ESCO2: variants seen among roughly 807,000 people sequenced by gnomAD.
ESCO2 encodes N-acetyltransferase ESCO2.
Under a neutral mutation model 61.7 loss-of-function variants are expected in ESCO2, and 51 were observed. That is an observed-to-expected ratio of 0.83 (90% CI 0.66 to 1.04). ESCO2 has a LOEUF of 1.04. Among genes scored for constraint, ESCO2 ranks in the 50% least tolerant of loss-of-function variants. The pLI, the probability that ESCO2 is intolerant of heterozygous loss-of-function variation, is 0.00. For missense variants in ESCO2, 692 were observed against 686.2 expected (o/e 1.01, Z -0.09); for synonymous variants, 230 against 238.2 (o/e 0.97, Z 0.32).
At chr8:27,780,721 A>T (rs1804907195) in intron 4 of ESCO2, among the ~76,000 whole-genome samples, 1 of 152,218 alleles carries the variant, frequency 6.6e-6, no homozygotes, top group Non-Finnish European at 1.5e-5. Context: ...TTTACTAATA[A>T]TTAGCTGTAT....
Position 27,780,265 on chromosome 8 carries a change from CAAGT to C in ESCO2, c.955+2_955+5del, listed in dbSNP as rs80359858. ...GAGGATTCTCTTGGTGAGAATAAGACAAGTAAGAGAAAACTCGCATGAATTTAGC... is the reference window on the plus strand; with the variant it reads ...GAGGATTCTCTTGGTGAGAATAAGACAAGAGAAAACTCGCATGAATTTAGC... On this transcript the variant is annotated splice_donor_variant and coding_sequence_variant, in exon 4 of 11. Coordinates refer to ENST00000305188, the MANE Select transcript of ESCO2 (RefSeq NM_001017420.3). LOFTEE classifies it high-confidence loss of function. 1.9e-5 allele frequency: 30 copies of C among 1,583,960 alleles called. No homozygotes were observed. Among genetic ancestry groups the C allele is most frequent in the South Asian group, 1.3e-4 (12 of 90,296 alleles).
At chr8:27,799,790 A>AT in intron 10 of ESCO2, 74 bp downstream of exon 10, 1 of 1,535,380 alleles carries the variant, frequency 6.5e-7, no homozygotes. Flanking sequence ...CTTCTGAGCT[A>AT]AAGGGAAGGA....
intron 3 of ESCO2, chr8:27,779,529 T>C (rs1052975426): frequency 1.3e-5 from 2 of 152,386 alleles, no homozygotes; most frequent in Non-Finnish European, 2.9e-5. Flanking sequence ...CTTTCCAGTT[T>C]GGTGGCTGCT....
At chr8:27,814,786 T>C (rs1805779079), downstream of ESCO2, among the ~76,000 whole-genome samples, 1 of 152,186 alleles carries the variant, frequency 6.6e-6, no homozygotes, top group South Asian at 2.1e-4. Flanking sequence ...TTACTGAATT[T>C]CCAAATACTT....
chr8:27,810,645 T>C (rs1805659289), downstream of ESCO2: 1 of 610,834 alleles, frequency 1.6e-6, no homozygotes, highest in East Asian at 2.8e-5. Flanking sequence ...ATGTCTTCAA[T>C]TGTCCTGCCA....
intron 2 of ESCO2, 89 bp from the exon 3 acceptor site, chr8:27,776,273 T>C: frequency 9.3e-7 from 1 of 1,076,654 alleles, no homozygotes; most frequent in Non-Finnish European, 1.4e-6. Flanking sequence ...GTTTTTAATA[T>C]GACCTACAAG....
upstream of ESCO2, chr8:27,772,570 G>C: frequency 1.9e-6 from 3 of 1,547,852 alleles, no homozygotes; most frequent in Non-Finnish European, 2.6e-6. Flanking sequence ...TGACTCCACC[G>C]CGGAGCAGCA....
At chr8:27,780,081 C>G in intron 3 of ESCO2, 93 bp from the exon 4 acceptor site, 1 of 784,384 alleles carries the variant, frequency 1.3e-6, no homozygotes, top group Non-Finnish European at 2.2e-6. Context: ...TAAACCAAAT[C>G]TTTTGTTTTA....
At chr8:27,793,244 C>T (rs953112904) in intron 9 of ESCO2, among the ~76,000 whole-genome samples, 1 of 152,064 alleles carries the variant, frequency 6.6e-6, no homozygotes, top group African/African-American at 2.4e-5. Context: ...AGAAAAGCAG[C>T]TTTTTTGTAT....
Position 27,787,902 on chromosome 8 carries a change from A to G in ESCO2, c.1031A>G (p.Gln344Arg), listed in dbSNP as rs143346057. Residue 344 changes from glutamine to arginine, a missense_variant, in exon 6 of 11, where the codon CAG (glutamine) becomes CGG (arginine). Coordinates refer to ENST00000305188, the MANE Select transcript of ESCO2 (RefSeq NM_001017420.3). The part of the protein sequence containing the change: ...VNSKRSLGEE[Q>R]FSVGSVNFMK... ...GTGTCAAGATCTTTAGGTGAAGAACAGTTTTCTGTGGGATCTGTCAACTTC... is the reference window on the plus strand; with the variant it reads ...GTGTCAAGATCTTTAGGTGAAGAACGGTTTTCTGTGGGATCTGTCAACTTC... The G allele has an allele frequency of 3.7e-6, 6 of 1,612,956 alleles. No individual in the cohort carries two copies. The highest frequency in any genetic ancestry group is 4.2e-6 in the Non-Finnish European group (5 of 1,179,284).
downstream of ESCO2, among the ~76,000 whole-genome samples, chr8:27,815,269 T>C (rs1805787950): frequency 6.6e-6 from 1 of 152,216 alleles, no homozygotes; most frequent in Non-Finnish European, 1.5e-5. Context: ...CACTCATTTA[T>C]TCCGTTAACA....
At chr8:27,801,409 G>A (rs1254939728) in intron 10 of ESCO2, among the ~76,000 whole-genome samples, 3 of 152,124 alleles carry the variant, frequency 2.0e-5, no homozygotes, top group Non-Finnish European at 2.9e-5. Context: ...ACACCATTAT[G>A]GGGACCGGAT....
At chr8:27,781,249 G>C (rs549055846) in intron 4 of ESCO2, among the ~76,000 whole-genome samples, 104 of 151,408 alleles carry the variant, frequency 6.9e-4, no homozygotes, top group Non-Finnish European at 1.2e-3. Flanking sequence ...CTTGGGTTAA[G>C]TAACTTACCA....
chr8:27,776,555 A>C lies in ESCO2; in HGVS notation c.247A>C (p.Thr83Pro). 1 of 1,614,136 alleles carries C rather than the reference A, an allele frequency of 6.2e-7. No individual in the cohort carries two copies. Residue 83 changes from threonine (T) to proline (P), a missense_variant, in exon 3 of 11, where the codon ACT becomes CCT. Physicochemically the swap from Thr to Pro is conservative, Grantham distance 38. Transcript: ENST00000305188. ...CTCACCATTTAAATCTGCGCTCTCC[A>C]CTGTATCTTTTTACAACCAAAATAA... ...QGSPFKSALS[T>P]VSFYNQNKWY...
chr8:27,780,159 T>TA lies in ESCO2; in HGVS notation c.862-12dup, dbSNP rs541990111. 3.3e-4 allele frequency: 504 copies of TA among 1,505,926 alleles called. 4 individuals carry two copies. The African/African-American group carries it at 6.2e-3, about 19-fold the overall frequency. The allele number at this position is 1,505,926 out of a possible 1,614,324, so 93.3% of individuals were successfully genotyped here. A position where few individuals can be genotyped will look rare whatever the true frequency, so the allele number is the denominator to read the frequency against. ...AATTACAGATGTTTGGTTTTTTTTT[T>TA]AAACCTATTTTCAGGATTCATCAGA... is the stretch of plus-strand genomic sequence containing the variant. On this transcript the variant is annotated splice_polypyrimidine_tract_variant and intron_variant, in intron 3 of 10. Coordinates refer to ENST00000305188, the MANE Select transcript of ESCO2 (RefSeq NM_001017420.3).
rs569621640 is a variant in ESCO2 at position 27,778,622 on chromosome 8, A to C, written c.861+1453A>C. On this transcript the variant is annotated intron_variant, in intron 3 of 10. Coordinates refer to ENST00000305188, the MANE Select transcript of ESCO2 (RefSeq NM_001017420.3). Reference sequence around the variant, plus strand: ...GGAAGAGTCTGCAGTTTCCCCATGCATCTCCTGATGATTATTCTTATCTGT... The same window carrying C: ...GGAAGAGTCTGCAGTTTCCCCATGCCTCTCCTGATGATTATTCTTATCTGT... 8 of 152,288 alleles carry C rather than the reference A, an allele frequency of 5.3e-5. No individual in the cohort carries two copies. The East Asian group carries it at 5.8e-4, about 11-fold the overall frequency. The allele number at this position is 152,288 out of a possible 1,614,324, so 9.4% of individuals were successfully genotyped here. A position where few individuals can be genotyped will look rare whatever the true frequency, so the allele number is the denominator to read the frequency against.
chr8:27,784,666 A>G (rs571447026), intron 5 of ESCO2, among the ~76,000 whole-genome samples: 46 of 152,166 alleles, frequency 3.0e-4, no homozygotes, highest in Non-Finnish European at 5.6e-4. Flanking sequence ...CCAGTACCCA[A>G]GCTAAAGACT....
chr8:27,811,940 C>T (rs1276599517), downstream of ESCO2: 1 of 152,116 alleles, frequency 6.6e-6, no homozygotes, highest in East Asian at 1.9e-4. Context: ...TTATATACTG[C>T]TAATACACAG....
downstream of ESCO2, among the ~76,000 whole-genome samples, chr8:27,816,361 ATT>A (rs1491381914): frequency 1.4e-3 from 188 of 130,880 alleles, 3 homozygotes; most frequent in African/African-American, 4.8e-3. Flanking sequence ...ATATATATTT[ATT>A]TATTTATTTA....
Sources: allele counts gnomAD v4.1 joint callset (sites outside exome capture counted in the v4.1 genomes callset), GRCh38; gene constraint gnomAD v4.1.1; transcripts MANE v1.5; gene names NCBI Gene and HGNC (gene_info 2026-07-23, HGNC 2026-07-21).